Variants in XCR1 observed in about 807,000 individuals in gnomAD.
XCR1 encodes the protein X-C motif chemokine receptor 1, also known as chemokine XC receptor 1.
For missense variants in XCR1, 356 were observed against 424.2 expected (o/e 0.84, Z 1.41); for synonymous variants, 187 against 188.5 (o/e 0.99, Z 0.06).
intron 4 of XCR1, among the ~76,000 whole-genome samples, chr3:46,058,679 T>C (rs763880569): frequency 3.9e-5 from 6 of 152,118 alleles, no homozygotes; most frequent in East Asian, 1.9e-4. Flanking sequence ...TCCTGAGTAG[T>C]TGTAGTCCTG....
At chr3:46,081,908 G>T (rs575248288) in intron 1 of XCR1, among the ~76,000 whole-genome samples, 1 of 151,836 alleles carries the variant, frequency 6.6e-6, no homozygotes, top group African/African-American at 2.4e-5. Flanking sequence ...CTTTATGTTC[G>T]TGTGTACCCA....
intron 1 of XCR1, among the ~76,000 whole-genome samples, chr3:46,026,482 A>G (rs1312662066): frequency 1.3e-5 from 2 of 152,196 alleles, no homozygotes; most frequent in Admixed American, 6.5e-5. Context: ...ACATAAAGAT[A>G]TGTAGCCAAA....
rs1195176880 is a variant in XCR1 at position 46,021,807 on chromosome 3, C to T, written c.141G>A (p.Val47=). 6.2e-7 allele frequency: 1 copy of T among 1,614,104 alleles called. No individual in the cohort carries two copies. Among genetic ancestry groups the T allele is most frequent in the Admixed American group, 1.7e-5 (1 of 60,022 alleles). The part of the protein sequence containing the change: ...LYCLVFLLSL[V]GNSLVLWVLV... The stretch of plus-strand genomic sequence containing the variant: ...GGACCCACAGGACCAGGCTGTTGCC[C>T]ACTAGGCTGAGGAGAAACACCAGGC... Residue 47 remains valine (V), a synonymous_variant, in exon 2 of 2, where the codon GTG becomes GTA. Coordinates refer to ENST00000309285, the MANE Select transcript of XCR1 (RefSeq NM_001024644.2). This position sits in a 1 kb window ranked among gnomAD's most constrained non-coding sequence, Gnocchi z 4.7.
chr3:46,066,115 C>T (rs1698064792), intron 4 of XCR1, among the ~76,000 whole-genome samples: 1 of 152,164 alleles, frequency 6.6e-6, no homozygotes, highest in Non-Finnish European at 1.5e-5. Context: ...TGTGATGCAG[C>T]AAGACAGGCT....
intron 4 of XCR1, among the ~76,000 whole-genome samples, chr3:46,058,152 G>T (rs1192004010): frequency 6.6e-6 from 1 of 152,130 alleles, no homozygotes; most frequent in Admixed American, 6.5e-5. Flanking sequence ...TTCAATTTAA[G>T]GCCAGTAATG....
chr3:46,023,931 G>A lies in XCR1; in HGVS notation c.-31-1953C>T. On this transcript the variant is annotated intron_variant, in intron 1 of 1. Coordinates refer to ENST00000309285, the MANE Select transcript of XCR1 (RefSeq NM_001024644.2). ...ACTTCTAAAAAGGTCCAGTAGAAAAGGAGCTGGATGTAGATGCTGATTTTG... is the reference window on the plus strand; with the variant it reads ...ACTTCTAAAAAGGTCCAGTAGAAAAAGAGCTGGATGTAGATGCTGATTTTG... 3.4e-6 allele frequency: 5 copies of A among 1,485,436 alleles called. 1 individual carries two copies. The South Asian group carries it at 5.8e-5, about 17-fold the overall frequency. The allele number at this position is 1,485,436 out of a possible 1,614,324, so 92.0% of individuals were successfully genotyped here.
In XCR1 at chr3:46,075,372, A is replaced by T. The variant is rs554335815; in HGVS notation, c.-327-657T>A. 2.6e-5 allele frequency among the ~76,000 whole-genome samples: 4 copies of T among 151,494 alleles called. No homozygotes were observed. In the South Asian group the frequency reaches 8.3e-4, roughly 31 times the overall value. The stretch of plus-strand genomic sequence containing the variant: ...CAAGAAACCTCAATCTAAACCTTTG[A>T]CCTTATACACAAATTAACTCAAATT... On this transcript the variant is annotated intron_variant, in intron 2 of 5. Coordinates refer to the XCR1 transcript ENST00000683768.
At chr3:46,064,336 C>T (rs1482189628) in intron 4 of XCR1, among the ~76,000 whole-genome samples, 2 of 152,178 alleles carry the variant, frequency 1.3e-5, no homozygotes, top group African/African-American at 2.4e-5. Flanking sequence ...TCTCCAGTGC[C>T]TAGGGCAGTA....
chr3:46,068,526 A>C lies in XCR1; in HGVS notation c.-262-1548T>G, dbSNP rs185659384. ...AGCAGTGATGGTGGGAAGTTGGGGAAGTGTTGTCAACTTACAATAAATGCA... is the reference window on the plus strand; with the variant it reads ...AGCAGTGATGGTGGGAAGTTGGGGACGTGTTGTCAACTTACAATAAATGCA... On this transcript the variant is annotated intron_variant, in intron 3 of 5. Transcript: ENST00000683768. Among the ~76,000 whole-genome samples, 6 of 152,238 alleles carry C rather than the reference A, an allele frequency of 3.9e-5. No individual in the cohort carries two copies. The East Asian group carries it at 1.2e-3, about 29-fold the overall frequency.
intron 5 of XCR1, among the ~76,000 whole-genome samples, chr3:46,042,341 G>T (rs937225237): frequency 6.6e-6 from 1 of 152,066 alleles, no homozygotes; most frequent in Non-Finnish European, 1.5e-5. Flanking sequence ...ATAATCAAAT[G>T]AGAGAATAGA....
chr3:46,023,150 G>T, intron 1 of XCR1: 1 of 382,720 alleles, frequency 2.6e-6, no homozygotes, highest in Non-Finnish European at 4.6e-6. Context: ...CGCAGGGGGC[G>T]GGCCCGTGGC....
intron 5 of XCR1, among the ~76,000 whole-genome samples, chr3:46,034,566 C>A (rs1443559561): frequency 6.6e-6 from 1 of 151,862 alleles, no homozygotes. Flanking sequence ...AGTTTCTTAC[C>A]CTTAAGAATG....
chr3:46,073,988 G>A (rs544440847), intron 3 of XCR1, among the ~76,000 whole-genome samples: 1 of 151,720 alleles, frequency 6.6e-6, no homozygotes, highest in Admixed American at 6.6e-5. Flanking sequence ...ATGTAAATTA[G>A]TACAACCTCT....
intron 5 of XCR1, among the ~76,000 whole-genome samples, chr3:46,039,373 A>G (rs1697494631): frequency 1.3e-5 from 2 of 152,216 alleles, no homozygotes; most frequent in South Asian, 2.1e-4. Flanking sequence ...TAATGCTTTT[A>G]GCCATAGTTC....
chr3:46,035,446 C>T (rs568944581), intron 5 of XCR1, among the ~76,000 whole-genome samples: 1 of 152,282 alleles, frequency 6.6e-6, no homozygotes, highest in Admixed American at 6.5e-5. Flanking sequence ...GGGACCTAGA[C>T]GAAACTCCTG....
chr3:46,029,083 C>A (rs1575412484), upstream of XCR1, among the ~76,000 whole-genome samples: 1 of 152,138 alleles, frequency 6.6e-6, no homozygotes, highest in Non-Finnish European at 1.5e-5. Context: ...GTTTTGATTA[C>A]CTTTGTAGTA....
upstream of XCR1, chr3:46,027,819 T>A (rs1363982171): frequency 1.3e-5 from 2 of 152,278 alleles, no homozygotes; most frequent in Admixed American, 6.5e-5. Context: ...TCCTCCCGAT[T>A]GGTCCTTACC....
At chr3:46,052,899 C>A (rs141257059) in intron 5 of XCR1, among the ~76,000 whole-genome samples, 1 of 152,268 alleles carries the variant, frequency 6.6e-6, no homozygotes, top group Non-Finnish European at 1.5e-5. Context: ...ACTGGGACTC[C>A]CTCTTAAGGA....
At chr3:46,049,433 G>A (rs1697698170) in intron 5 of XCR1, among the ~76,000 whole-genome samples, 1 of 152,194 alleles carries the variant, frequency 6.6e-6, no homozygotes, top group Admixed American at 6.5e-5. Context: ...GAAGTTGTGT[G>A]TGAGAATAAA....
Sources: allele counts gnomAD v4.1 joint callset (sites outside exome capture counted in the v4.1 genomes callset), GRCh38; gene constraint gnomAD v4.1.1; non-coding constraint Gnocchi (gnomAD v3.1); transcripts MANE v1.5; gene names NCBI Gene and HGNC (gene_info 2026-07-23, HGNC 2026-07-21).